VLDLR: variants seen among roughly 807,000 people sequenced by gnomAD.
The protein encoded by VLDLR is very low-density lipoprotein receptor.
In VLDLR, 81 loss-of-function variants were observed where a neutral mutation model predicts 112.7. The ratio of observed to expected loss-of-function variants is 0.72; its 90% CI spans 0.60 to 0.86. VLDLR has a LOEUF of 0.86. Ranked by LOEUF, VLDLR falls within the 40% of genes least tolerant of loss-of-function variation. The probability of loss-of-function intolerance (pLI) is 0.00; values close to 1 mark genes in which losing one functional copy is unlikely to be tolerated. For synonymous variants in VLDLR, 436 were observed against 384.8 expected, an observed-to-expected ratio of 1.13 and a Z score of -1.56; for missense variants, 1,237 against 1,099.4, an observed-to-expected ratio of 1.13 and a Z score of -1.77.
rs767232415 is a variant in VLDLR, at chr9:2,644,930, C to T, written c.1187-27C>T. The T allele has an allele frequency of 1.9e-6, 3 of 1,614,136 alleles. No individual in the cohort carries two copies. The South Asian group carries it at 3.3e-5, about 18-fold the overall frequency. On this transcript the variant is annotated intron_variant, in intron 8 of 18. Transcript: ENST00000382100. ...TGTACCTAGTAAGGTATAGGAGCAG[C>T]AAGACTAATTCTGATTTCCCTCCCA... is the stretch of plus-strand genomic sequence containing the variant.
chr9:2,651,552 G>T lies in VLDLR; in HGVS notation c.2335+54G>T, dbSNP rs1818339056. 5 of 1,459,294 alleles carry T rather than the reference G, an allele frequency of 3.4e-6. No homozygotes were observed. The Admixed American group carries it at 6.7e-5, about 20-fold the overall frequency. 90.4% of individuals were successfully genotyped at this position (1,459,294 alleles called of 1,614,324 possible). A position where few individuals can be genotyped will look rare whatever the true frequency, so the allele number is the denominator to read the frequency against. On this transcript the variant is annotated intron_variant, in intron 16 of 18. Coordinates refer to ENST00000382100, the MANE Select transcript of VLDLR (RefSeq NM_003383.5). ...ATCTCAACTAACAGCCACACTCTTT[G>T]TATCTACAGCTTAAATAATTAATGC... is the stretch of plus-strand genomic sequence containing the variant.
Position 2,635,511 on chromosome 9 carries a change from G to A in VLDLR, c.141G>A (p.Thr47=), listed in dbSNP as rs372980901. 18 of 1,614,004 alleles carry A rather than the reference G, an allele frequency of 1.1e-5. No homozygotes were observed. The highest frequency in any genetic ancestry group is 3.3e-5 in the South Asian group (3 of 91,084). ...AGTGCACAAATGGTCGCTGTATTAC[G>A]CTGTTGTGGAAATGTGATGGGGATG... ...QFQCTNGRCI[T]LLWKCDGDED... The change falls in exon 2 of 19, where the codon ACG becomes ACA. Residue 47 remains threonine, a synonymous_variant. Coordinates refer to ENST00000382100, the MANE Select transcript of VLDLR (RefSeq NM_003383.5).
rs938410063 is a variant in VLDLR, at chr9:2,649,900, G to A, written c.2105-470G>A. Among the ~76,000 whole-genome samples the A allele has an allele frequency of 2.6e-4, 40 of 151,942 alleles. 1 individual carries two copies. Among genetic ancestry groups the A allele is most frequent in the Admixed American group, 2.0e-3 (30 of 15,260 alleles). ...GATTGTGTAGATTCTCAAACACATC[G>A]GGTTATATTATCTCCTGCTGAAAAC... On this transcript the variant is annotated intron_variant, in intron 14 of 18. Transcript: ENST00000382100.
At position 2,651,398 on chromosome 9, in the gene VLDLR, T is replaced by A; in HGVS notation, c.2252-17T>A. On this transcript the variant is annotated splice_polypyrimidine_tract_variant and intron_variant, in intron 15 of 18. Transcript: ENST00000382100. Reference sequence around the variant, plus strand: ...GGAACCCTGGCATTAACCAGGTTCTTGGTTTTTATAATTCAGGTACTGCAA... The same window carrying A: ...GGAACCCTGGCATTAACCAGGTTCTAGGTTTTTATAATTCAGGTACTGCAA... 6.2e-7 allele frequency: 1 copy of A among 1,611,558 alleles called. No individual in the cohort carries two copies. The highest frequency in any genetic ancestry group is 8.5e-7 in the Non-Finnish European group (1 of 1,177,914).
chr9:2,626,378 C>G (rs184453427), intron 1 of VLDLR, among the ~76,000 whole-genome samples: 338 of 152,294 alleles, frequency 2.2e-3, no homozygotes, highest in South Asian at 6.8e-3. Context: ...TCCACACTTA[C>G]GGCATCATGT....
At chr9:2,649,377 G>A (rs1292197650) in intron 14 of VLDLR, among the ~76,000 whole-genome samples, 1 of 150,216 alleles carries the variant, frequency 6.7e-6, no homozygotes, top group African/African-American at 2.5e-5. Flanking sequence ...CTCGTGTCCA[G>A]CTTTCTTGCT....
intron 1 of VLDLR, among the ~76,000 whole-genome samples, chr9:2,627,685 A>G (rs1017385793): frequency 6.6e-6 from 1 of 152,108 alleles, no homozygotes; most frequent in African/African-American, 2.4e-5. Context: ...CAACATAGTG[A>G]AAGCCCATCT....
chr9:2,623,588 T>C (rs780943197), intron 1 of VLDLR, among the ~76,000 whole-genome samples: 12 of 152,226 alleles, frequency 7.9e-5, no homozygotes, highest in Non-Finnish European at 7.3e-5. Context: ...TGCCCTTTGG[T>C]TGCCACTGTC....
Position 2,651,512 on chromosome 9 carries a change from T to C in VLDLR, c.2335+14T>C, listed in dbSNP as rs762587606. 36 of 1,604,064 alleles carry C rather than the reference T, an allele frequency of 2.2e-5. No individual in the cohort carries two copies. The African/African-American group carries it at 3.7e-4, about 17-fold the overall frequency. ...TAGTTCCTGGAGGTATTGAGTTCAG[T>C]ACTGCAAACTGTTAATCTCAACTAA... is the stretch of plus-strand genomic sequence containing the variant. On this transcript the variant is annotated intron_variant, in intron 16 of 18. Coordinates refer to ENST00000382100, the MANE Select transcript of VLDLR (RefSeq NM_003383.5).
At chr9:2,647,228 C>T (rs1416143126) in intron 11 of VLDLR, among the ~76,000 whole-genome samples, 1 of 152,132 alleles carries the variant, frequency 6.6e-6, no homozygotes, top group Non-Finnish European at 1.5e-5. Context: ...GGAAACATAA[C>T]CTTGTGACTT....
intron 1 of VLDLR, among the ~76,000 whole-genome samples, chr9:2,626,411 T>C (rs1253404174): frequency 6.6e-6 from 1 of 152,230 alleles, no homozygotes; most frequent in African/African-American, 2.4e-5. Context: ...TTTTGGATTT[T>C]GGAGCATCTC....
intron 1 of VLDLR, among the ~76,000 whole-genome samples, chr9:2,634,005 T>C (rs759547427): frequency 3.3e-5 from 5 of 152,132 alleles, no homozygotes; most frequent in Non-Finnish European, 7.4e-5. Context: ...AATGAAAAAG[T>C]ATTATGAAAT....
At chr9:2,623,988 G>C (rs1816962635) in intron 1 of VLDLR, among the ~76,000 whole-genome samples, 1 of 152,150 alleles carries the variant, frequency 6.6e-6, no homozygotes, top group South Asian at 2.1e-4. Context: ...AAACGCTAAG[G>C]TATACCAGAA....
chr9:2,622,682 G>A (rs1272570381), intron 1 of VLDLR, among the ~76,000 whole-genome samples: 1 of 152,232 alleles, frequency 6.6e-6, no homozygotes, highest in African/African-American at 2.4e-5. Flanking sequence ...AGCCTCGGGC[G>A]CACCCTCGAA....
In VLDLR at chr9:2,635,509, A is replaced by T; in HGVS notation, c.139A>T (p.Thr47Ser). The T allele has an allele frequency of 6.2e-7, 1 of 1,614,176 alleles. No homozygotes were observed. Among genetic ancestry groups the T allele is most frequent in the Non-Finnish European group, 8.5e-7 (1 of 1,179,998 alleles). The change falls in exon 2 of 19, where the codon ACG (threonine) becomes TCG (serine). Residue 47 changes from threonine (T) to serine (S), a missense_variant. Physicochemically the swap from Thr to Ser is moderately conservative, Grantham distance 58. Transcript: ENST00000382100. The stretch of plus-strand genomic sequence containing the variant: ...CCAGTGCACAAATGGTCGCTGTATT[A>T]CGCTGTTGTGGAAATGTGATGGGGA... ...QFQCTNGRCI[T>S]LLWKCDGDED...
chr9:2,627,430 C>G (rs1227542064), intron 1 of VLDLR, among the ~76,000 whole-genome samples: 1 of 152,130 alleles, frequency 6.6e-6, no homozygotes, highest in Non-Finnish European at 1.5e-5. Flanking sequence ...ATATCACACT[C>G]AACTTTACCA....
In VLDLR at chr9:2,656,224, C is replaced by CAACTCATTGTACCTACGAGGTACA. The variant is rs1212230252; in HGVS notation, c.*2365_*2388dup. On this transcript the variant is annotated 3_prime_UTR_variant, in exon 19 of 19. Coordinates refer to ENST00000382100, the MANE Select transcript of VLDLR (RefSeq NM_003383.5). ...TCCTCCCCAGTAAGAAGCCAAGGTA[C>CAACTCATTGTACCTACGAGGTACA]AACTCATTGTACCTACGAGGTACAA... 5.9e-5 allele frequency: 9 copies of CAACTCATTGTACCTACGAGGTACA among 152,080 alleles called. No individual in the cohort carries two copies. The highest frequency in any genetic ancestry group is 1.3e-4 in the Non-Finnish European group (9 of 67,996). The allele number at this position is 152,080 out of a possible 1,614,324, so 9.4% of individuals were successfully genotyped here.
Position 2,645,598 on chromosome 9 carries a change from C to G in VLDLR, c.1337C>G (p.Thr446Ser), listed in dbSNP as rs557522869. The change falls in exon 10 of 19, where the codon ACT (threonine) becomes AGT (serine). Residue 446 changes from threonine (T) to serine (S), a missense_variant. Transcript: ENST00000382100. Reference protein sequence around the residue: ...AVGKEPSLIFTNRRDIRKIGL... With the variant: ...AVGKEPSLIFSNRRDIRKIGL... ...GGCAAAGAGCCAAGTCTGATCTTCA[C>G]TAATCGAAGAGACATCAGGAAGATT... 36 of 1,614,118 alleles carry G rather than the reference C, an allele frequency of 2.2e-5. No homozygotes were observed. Among genetic ancestry groups the G allele is most frequent in the Non-Finnish European group, 2.9e-5 (34 of 1,180,050 alleles).
chr9:2,651,755 A>G (rs1053898747), intron 16 of VLDLR, 119 bp from the exon 17 acceptor site: 34 of 1,130,604 alleles, frequency 3.0e-5, no homozygotes, highest in Admixed American at 2.3e-4. Context: ...CTGGTGTTCA[A>G]TTGTTGTAGA....
Sources: gnomAD v4.1 joint callset for allele counts (sites outside exome capture counted in the v4.1 genomes callset) on GRCh38, gnomAD v4.1.1 for gene constraint, MANE v1.5 for transcripts, NCBI Gene and HGNC (gene_info 2026-07-23, HGNC 2026-07-21) for gene names.